The following CRB1 variants were observed in gnomAD, a reference collection of about 807,000 sequenced individuals.
The protein encoded by CRB1 is protein crumbs homolog 1.
A neutral mutation model predicts 120.0 loss-of-function variants in CRB1; 83 were observed. The observed-to-expected ratio is 0.69, with a 90% confidence interval of 0.58 to 0.83. CRB1 has a LOEUF of 0.83. Among genes scored for constraint, CRB1 ranks in the 40% least tolerant of loss-of-function variants. CRB1 has a pLI of 0.00. For missense variants in CRB1, 1,699 were observed against 1,687.6 expected (o/e 1.01, Z -0.12); for synonymous variants, 625 against 612.5 (o/e 1.02, Z -0.30).
At chr1:197,394,029 T>G (rs1266527236) in intron 5 of CRB1, among the ~76,000 whole-genome samples, 1 of 152,082 alleles carries the variant, frequency 6.6e-6, no homozygotes, top group African/African-American at 2.4e-5. Flanking sequence ...GCACTATATA[T>G]AGTTGACCCT....
chr1:197,423,058 T>C (rs1482449013), intron 6 of CRB1, among the ~76,000 whole-genome samples: 2 of 152,206 alleles, frequency 1.3e-5, no homozygotes, highest in Non-Finnish European at 1.5e-5. Flanking sequence ...TTTGTGATTT[T>C]TTTTAAGGAG....
chr1:197,359,013 G>C (rs75380277), intron 5 of CRB1, among the ~76,000 whole-genome samples: 2 of 151,950 alleles, frequency 1.3e-5, no homozygotes, highest in African/African-American at 4.8e-5. Flanking sequence ...ATGTCTACAC[G>C]TTTTTCTATA....
chr1:197,278,433 T>A (rs2125214082), intron 1 of CRB1, among the ~76,000 whole-genome samples: 1 of 152,096 alleles, frequency 6.6e-6, no homozygotes, highest in East Asian at 1.9e-4. Flanking sequence ...ATAGTTTGTT[T>A]TGGCAGCCTA....
chr1:197,364,030 A>G, intron 5 of CRB1: 1 of 1,381,630 alleles, frequency 7.2e-7, no homozygotes, highest in Non-Finnish European at 1.0e-6. Flanking sequence ...GGCTCACAAG[A>G]TCAACTTCTT....
At position 197,336,640 on chromosome 1, in the gene CRB1, C is replaced by G. The variant is rs575124700; in HGVS notation, c.652+7637C>G. ...TTTGTTGAATGAGTGCACAAAATAA[C>G]AAATATTCACTCAGCAAATACTTAT... On this transcript the variant is annotated intron_variant, in intron 2 of 11. Transcript: ENST00000367400. Among the ~76,000 whole-genome samples, 3 of 152,226 alleles carry G rather than the reference C, an allele frequency of 2.0e-5. No homozygotes were observed. The South Asian group carries it at 6.2e-4, about 32-fold the overall frequency.
chr1:197,268,488 C>G lies in CRB1; in HGVS notation c.70+6C>G, dbSNP rs1654723732. The G allele has an allele frequency of 6.2e-7, 1 of 1,603,172 alleles. No homozygotes were observed. Among genetic ancestry groups the G allele is most frequent in the Admixed American group, 1.7e-5 (1 of 60,002 alleles). On this transcript the variant is annotated splice_donor_region_variant and intron_variant, in intron 1 of 11. Coordinates refer to ENST00000367400, the MANE Select transcript of CRB1 (RefSeq NM_201253.3). ...ACTGCTTATCTACATAAAAAGTAAG[C>G]CTTTCCCACTTTGGGCATTTTTCCT...
intron 11 of CRB1, among the ~76,000 whole-genome samples, chr1:197,456,300 T>A (rs13375738): frequency 0.028 from 4,200 of 152,238 alleles, 198 homozygotes; most frequent in African/African-American, 0.094. Flanking sequence ...TGAGTAAGTA[T>A]ATACTCAATA....
intron 5 of CRB1, among the ~76,000 whole-genome samples, chr1:197,415,641 C>CTTTTTT (rs55654070): frequency 9.0e-4 from 85 of 94,012 alleles, no homozygotes; most frequent in Non-Finnish European, 1.2e-3. Context: ...TTTTTCTTTT[C>CTTTTTT]TTTTTTTTTT....
intron 8 of CRB1, among the ~76,000 whole-genome samples, chr1:197,432,284 T>C (rs1269917814): frequency 6.6e-6 from 1 of 151,790 alleles, no homozygotes; most frequent in Non-Finnish European, 1.5e-5. Context: ...TATTTTAACA[T>C]TTACTTAAAA....
chr1:197,273,576 G>C (rs888942321), intron 1 of CRB1, among the ~76,000 whole-genome samples: 1 of 151,922 alleles, frequency 6.6e-6, no homozygotes, highest in African/African-American at 2.4e-5. Context: ...AGGAGATCTG[G>C]CTCTTCTCTT....
chr1:197,403,227 A>G (rs560578150), intron 5 of CRB1, among the ~76,000 whole-genome samples: 10 of 152,304 alleles, frequency 6.6e-5, no homozygotes, highest in Admixed American at 4.6e-4. Context: ...TGTCTGTCCA[A>G]TCATCATGTA....
At chr1:197,266,118 C>A (rs1654624971), upstream of CRB1, among the ~76,000 whole-genome samples, 1 of 152,134 alleles carries the variant, frequency 6.6e-6, no homozygotes, top group South Asian at 2.1e-4. Context: ...ATATACATAT[C>A]CTTTTTCTGT....
chr1:197,444,977 T>G (rs1373709634), intron 11 of CRB1, among the ~76,000 whole-genome samples: 1 of 152,094 alleles, frequency 6.6e-6, no homozygotes, highest in Non-Finnish European at 1.5e-5. Flanking sequence ...GTGATCTCTT[T>G]CTGTGAAAGT....
At chr1:197,428,494 T>C (rs958984506) in intron 7 of CRB1, among the ~76,000 whole-genome samples, 3 of 152,234 alleles carry the variant, frequency 2.0e-5, no homozygotes, top group African/African-American at 7.2e-5. Flanking sequence ...GCCCAAGCTT[T>C]ACTTTAAATA....
intron 11 of CRB1, among the ~76,000 whole-genome samples, chr1:197,451,573 G>A (rs1048170361): frequency 6.6e-6 from 1 of 152,104 alleles, no homozygotes; most frequent in Non-Finnish European, 1.5e-5. Flanking sequence ...TAACACTGTC[G>A]ATTCTGCCCC....
rs760064017 is a variant in CRB1 at position 197,421,086 on chromosome 1, A to G, written c.1258A>G (p.Thr420Ala). Residue 420 changes from threonine to alanine, a missense_variant, in exon 6 of 12, where the codon ACT (threonine) becomes GCT (alanine). Transcript: ENST00000367400. ...GTCENLPGNY[T>A]CHCPFDNLSR... ...TTGTGAGAACTTGCCTGGGAATTAT[A>G]CTTGCCATTGCCCATTTGATAACCT... The G allele has an allele frequency of 1.9e-6, 3 of 1,614,228 alleles. No individual in the cohort carries two copies. The highest frequency in any genetic ancestry group is 2.5e-6 in the Non-Finnish European group (3 of 1,180,040).
rs185101695 is a variant in CRB1 at position 197,359,972 on chromosome 1, T to C, written c.1171+2959T>C. ...TTTTATTTTTTTAACTGTTGAGTAATTTTCCACATACAGACCCTGGGCGTT... is the reference window on the plus strand; with the variant it reads ...TTTTATTTTTTTAACTGTTGAGTAACTTTCCACATACAGACCCTGGGCGTT... On this transcript the variant is annotated intron_variant, in intron 5 of 11. Transcript: ENST00000367400. 1.9e-3 allele frequency among the ~76,000 whole-genome samples: 286 copies of C among 152,332 alleles called. 2 individuals are homozygous for C. Among genetic ancestry groups the C allele is most frequent in the Middle Eastern group, 0.01 (3 of 294 alleles).
intron 1 of CRB1, among the ~76,000 whole-genome samples, chr1:197,281,995 G>A (rs576102402): frequency 8.0e-5 from 12 of 149,658 alleles, no homozygotes; most frequent in South Asian, 2.1e-4. Flanking sequence ...TAAAACTTGC[G>A]ATATAAAATA....
the CRB1 span, among the ~76,000 whole-genome samples, chr1:197,224,729 TTATAA>T: frequency 6.6e-6 from 1 of 152,118 alleles, no homozygotes; most frequent in Non-Finnish European, 1.5e-5. Flanking sequence ...ACAGTCCTAC[TTATAA>T]TATTATTAAG....
Sources: gnomAD v4.1 joint callset for allele counts (sites outside exome capture counted in the v4.1 genomes callset) on GRCh38, gnomAD v4.1.1 for gene constraint, MANE v1.5 for transcripts, NCBI Gene and HGNC (gene_info 2026-07-23, HGNC 2026-07-21) for gene names.